CDCA5: variants seen among roughly 807,000 people sequenced by gnomAD.
CDCA5 encodes sororin.
In CDCA5, 14 loss-of-function variants were observed where a neutral mutation model predicts 25.7. That is an observed-to-expected ratio of 0.54 (90% CI 0.36 to 0.85). CDCA5 has a LOEUF of 0.85. CDCA5 is among the 40% of genes least tolerant of loss of function. CDCA5 has a pLI of 0.01. For missense variants in CDCA5, 307 were observed against 324.5 expected (o/e 0.95, Z 0.41); for synonymous variants, 127 against 128.7 (o/e 0.99, Z 0.09).
At position 65,079,172 on chromosome 11, in the gene CDCA5, C is replaced by T; in HGVS notation, c.694G>A (p.Glu232Lys). 1 of 1,522,928 alleles carries T rather than the reference C, an allele frequency of 6.6e-7. No homozygotes were observed. The highest frequency in any genetic ancestry group is 1.4e-5 in the African/African-American group (1 of 71,898). 94.3% of individuals were successfully genotyped at this position (1,522,928 alleles called of 1,614,324 possible). ...MPEILKTELD[E>K]WAAAMNAEFE... ...TCGGCATTCATGGCCGCAGCCCACT[C>T]ATCCAGCTCCGTTTTCTGAGGGAAG... The change falls in exon 6 of 6, where the codon GAG (glutamate) becomes AAG (lysine). Residue 232 changes from glutamate to lysine, a missense_variant. By Grantham distance (56) the Glu-to-Lys change is moderately conservative (BLOSUM62 1). Coordinates refer to ENST00000275517, the MANE Select transcript of CDCA5 (RefSeq NM_080668.4).
At chr11:65,065,467 T>C (rs475089), downstream of CDCA5, among the ~76,000 whole-genome samples, 80,528 of 151,794 alleles carry the variant, frequency 0.53, 23,160 homozygotes, top group Non-Finnish European at 0.65. Context: ...TTTGTATTTT[T>C]AGTAGAGACC....
chr11:65,083,586 G>A, intron 2 of CDCA5, 36 bp from the exon 3 acceptor site: 1 of 1,614,210 alleles, frequency 6.2e-7, no homozygotes, highest in Non-Finnish European at 8.5e-7. Context: ...TCAACATTAG[G>A]TGAGGGGCCA....
Position 65,083,913 on chromosome 11 carries a change from C to G in CDCA5, c.46+20G>C. ...CCCCAAACGGCTCGACCTCACGTCT[C>G]CCGCGCGCCCTCCGCTCACCGGAGC... On this transcript the variant is annotated intron_variant, in intron 1 of 5. Coordinates refer to ENST00000275517, the MANE Select transcript of CDCA5 (RefSeq NM_080668.4). The G allele has an allele frequency of 1.2e-6, 2 of 1,609,424 alleles. No homozygotes were observed. The highest frequency in any genetic ancestry group is 4.5e-5 in the East Asian group (2 of 44,854).
At chr11:65,071,179 T>G (rs1038134530) in intron 1 of CDCA5, among the ~76,000 whole-genome samples, 6 of 151,852 alleles carry the variant, frequency 4.0e-5, no homozygotes, top group Admixed American at 1.3e-4. Context: ...CCTGACCTCA[T>G]GATCTGCCCG....
chr11:65,069,927 GC>G (rs1239668189), intron 1 of CDCA5, among the ~76,000 whole-genome samples: 1 of 152,226 alleles, frequency 6.6e-6, no homozygotes, highest in Non-Finnish European at 1.5e-5. Context: ...CAGGTTTGCA[GC>G]TGACCACAGT....
downstream of CDCA5, among the ~76,000 whole-genome samples, chr11:65,075,217 C>T (rs1380122939): frequency 3.3e-5 from 5 of 151,016 alleles, no homozygotes; most frequent in Non-Finnish European, 7.4e-5. Context: ...GCCAACATAA[C>T]GAAACCCCGT....
At position 65,082,076 on chromosome 11, in the gene CDCA5, G is replaced by A. The variant is rs544558601; in HGVS notation, c.243+1288C>T. Among the ~76,000 whole-genome samples the A allele has an allele frequency of 8.4e-4, 128 of 152,324 alleles. 2 individuals are homozygous for A. Among genetic ancestry groups the A allele is most frequent in the Admixed American group, 4.8e-3 (73 of 15,300 alleles). On this transcript the variant is annotated intron_variant, in intron 4 of 5. Coordinates refer to ENST00000275517, the MANE Select transcript of CDCA5 (RefSeq NM_080668.4). The stretch of plus-strand genomic sequence containing the variant: ...GAACCCAGTACTGTATATCATCCTG[G>A]CTTTAGCTCACGCCCTTGGCTTCAT...
intron 4 of CDCA5, among the ~76,000 whole-genome samples, chr11:65,080,725 T>C (rs1413857250): frequency 6.6e-6 from 1 of 152,178 alleles, no homozygotes; most frequent in Non-Finnish European, 1.5e-5. Flanking sequence ...GTCCTAAATG[T>C]CCACTCAGTC....
At chr11:65,072,263 C>T (rs1174256165) in intron 1 of CDCA5, among the ~76,000 whole-genome samples, 4 of 152,232 alleles carry the variant, frequency 2.6e-5, no homozygotes, top group African/African-American at 7.2e-5. Flanking sequence ...GCCAACCTGT[C>T]AGCCACACTG....
Position 65,077,577 on chromosome 11 carries a change from C to T in CDCA5, c.*1530G>A, listed in dbSNP as rs1482389609. On this transcript the variant is annotated 3_prime_UTR_variant, in exon 6 of 6. Transcript: ENST00000275517. ...AATGATGATCTCAACTCTGCATCAT[C>T]TGGTGACTCCTGATTCTGCAGGACT... The T allele has an allele frequency of 1.0e-6, 1 of 985,480 alleles. No individual in the cohort carries two copies. The highest frequency in any genetic ancestry group is 1.2e-6 in the Non-Finnish European group (1 of 829,932). 61.0% of individuals were successfully genotyped at this position (985,480 alleles called of 1,614,324 possible).
At chr11:65,062,333 G>C (rs187853032), downstream of CDCA5, among the ~76,000 whole-genome samples, 1 of 152,084 alleles carries the variant, frequency 6.6e-6, no homozygotes, top group Non-Finnish European at 1.5e-5. Context: ...TGTCACGACC[G>C]TGCTCACAGC....
downstream of CDCA5, among the ~76,000 whole-genome samples, chr11:65,064,570 T>A (rs1195444185): frequency 6.6e-6 from 1 of 152,198 alleles, no homozygotes; most frequent in Non-Finnish European, 1.5e-5. Context: ...TCAACCTCAG[T>A]ACCCTATGAT....
At chr11:65,066,429 T>C (rs1315685352) in exon 7 of CDCA5, 2 of 1,265,520 alleles carry the variant, frequency 1.6e-6, no homozygotes, top group African/African-American at 1.5e-5. Flanking sequence ...GTGGGGCAGG[T>C]CAGGCAGCTT....
At chr11:65,064,460 C>T (rs1226711538), downstream of CDCA5, among the ~76,000 whole-genome samples, 1 of 151,122 alleles carries the variant, frequency 6.6e-6, no homozygotes, top group East Asian at 1.9e-4. Context: ...CTCTCTGTGT[C>T]CTTTTAAAGG....
At chr11:65,067,568 C>A in intron 4 of CDCA5, 6 of 734,616 alleles carry the variant, frequency 8.2e-6, no homozygotes, top group Non-Finnish European at 1.2e-5. Flanking sequence ...TCACCAGCCA[C>A]GTGGGCCCTG....
intron 4 of CDCA5, among the ~76,000 whole-genome samples, chr11:65,082,520 GGGC>G (rs1947591784): frequency 2.0e-5 from 3 of 150,008 alleles, no homozygotes; most frequent in Non-Finnish European, 4.4e-5. Flanking sequence ...TGGAGTGCAG[GGGC>G]GTGATCTCGG....
intron 2 of CDCA5, chr11:65,068,134 G>T (rs766840723): frequency 2.3e-6 from 3 of 1,282,924 alleles, no homozygotes; most frequent in Admixed American, 4.6e-5. Flanking sequence ...CAGAGAAAGC[G>T]CCAAGGTGAC....
exon 4 of CDCA5, chr11:65,067,729 C>T (rs1358390095): frequency 7.8e-7 from 1 of 1,289,738 alleles, no homozygotes; most frequent in East Asian, 5.5e-5. Context: ...GATCTAAGAA[C>T]TGGTACTCCT....
chr11:65,070,173 G>A (rs1216773682), intron 1 of CDCA5, among the ~76,000 whole-genome samples: 2 of 152,256 alleles, frequency 1.3e-5, no homozygotes, highest in African/African-American at 4.8e-5. Flanking sequence ...GGAGGCATAG[G>A]GATCTTTGTG....
Sources: allele counts gnomAD v4.1 joint callset (sites outside exome capture counted in the v4.1 genomes callset), GRCh38; gene constraint gnomAD v4.1.1; transcripts MANE v1.5; gene names NCBI Gene and HGNC (gene_info 2026-07-23, HGNC 2026-07-21).